BRMS1L: variants seen among roughly 807,000 people sequenced by gnomAD.
The protein encoded by BRMS1L is breast cancer metastasis-suppressor 1-like protein.
BRMS1L carries 23 observed loss-of-function variants against 50.3 expected under a neutral mutation model. The ratio of observed to expected loss-of-function variants is 0.46; its 90% CI spans 0.33 to 0.65. The LOEUF (loss-of-function observed/expected upper bound fraction) is 0.65, where lower values mean the gene tolerates loss of function less well. Among genes scored for constraint, BRMS1L ranks in the 30% least tolerant of loss-of-function variants. The pLI, the probability that BRMS1L is intolerant of heterozygous loss-of-function variation, is 0.02. For missense variants in BRMS1L, 286 were observed against 386.1 expected (o/e 0.74, Z 2.17); for synonymous variants, 114 against 126.9 (o/e 0.90, Z 0.69).
chr14:35,832,174 C>T (rs956668524), intron 2 of BRMS1L, among the ~76,000 whole-genome samples: 5 of 151,902 alleles, frequency 3.3e-5, no homozygotes, highest in African/African-American at 1.2e-4. Flanking sequence ...TTGGTTTTAC[C>T]TTCATTAGTC....
chr14:35,826,693 C>T (rs1272094415), intron 1 of BRMS1L, 35 bp downstream of exon 1: 2 of 1,602,056 alleles, frequency 1.2e-6, no homozygotes, highest in Admixed American at 1.7e-5. Flanking sequence ...TGAGTCCCCG[C>T]GCCCAGCGCG....
At chr14:35,850,680 T>G (rs1361761107) in intron 4 of BRMS1L, among the ~76,000 whole-genome samples, 1 of 152,236 alleles carries the variant, frequency 6.6e-6, no homozygotes, top group African/African-American at 2.4e-5. Context: ...CTTTACAGTT[T>G]CAGTTTTATG....
Position 35,863,957 on chromosome 14 carries a change from T to A in BRMS1L, c.622+4T>A, listed in dbSNP as rs750189880. On this transcript the variant is annotated splice_donor_region_variant and intron_variant, in intron 6 of 9. Coordinates refer to ENST00000216807, the MANE Select transcript of BRMS1L (RefSeq NM_032352.4). ...AAGAAGCCAGTTGTTGTTTCAGATA[T>A]CCTTTTCCAAATTTTCTGTTTTTTT... 2 of 1,612,092 alleles carry A rather than the reference T, an allele frequency of 1.2e-6. No individual in the cohort carries two copies. The highest frequency in any genetic ancestry group is 1.7e-6 in the Non-Finnish European group (2 of 1,179,250).
At chr14:35,868,444 G>GAAAT (rs1326315967) in intron 9 of BRMS1L, among the ~76,000 whole-genome samples, 1 of 152,090 alleles carries the variant, frequency 6.6e-6, no homozygotes, top group Non-Finnish European at 1.5e-5. Flanking sequence ...ATTAGAGTAG[G>GAAAT]AAATAAATGG....
At chr14:35,841,230 G>A (rs1353719109) in intron 4 of BRMS1L, among the ~76,000 whole-genome samples, 1 of 151,862 alleles carries the variant, frequency 6.6e-6, no homozygotes, top group East Asian at 1.9e-4. Context: ...TATGATTTCT[G>A]TTTGGCATTT....
In BRMS1L at chr14:35,865,830, G is replaced by C. The variant is rs199922866; in HGVS notation, c.727+69G>C. The C allele has an allele frequency of 6.5e-5, 87 of 1,334,136 alleles. 1 individual carries two copies. In the South Asian group the frequency reaches 8.8e-4, roughly 14 times the overall value. 82.6% of individuals were successfully genotyped at this position (1,334,136 alleles called of 1,614,324 possible). ...TTGTTGAATCAGGGTTGTTATCTAC[G>C]TACTAAAGAACTCTTGAATCAGTGG... is the stretch of plus-strand genomic sequence containing the variant. On this transcript the variant is annotated intron_variant, in intron 8 of 9. Transcript: ENST00000216807.
intron 3 of BRMS1L, among the ~76,000 whole-genome samples, chr14:35,834,415 T>TA (rs926988712): frequency 2.0e-5 from 3 of 151,206 alleles, no homozygotes; most frequent in Admixed American, 6.6e-5. Flanking sequence ...AAATGATAGT[T>TA]AAAAAAAAAG....
chr14:35,835,078 T>C (rs983211683), intron 4 of BRMS1L, among the ~76,000 whole-genome samples, 155 bp downstream of exon 4: 12 of 151,544 alleles, frequency 7.9e-5, no homozygotes, highest in Non-Finnish European at 1.2e-4. Flanking sequence ...TAGAGTTGCA[T>C]TGGAAGCTGT....
intron 4 of BRMS1L, among the ~76,000 whole-genome samples, chr14:35,839,154 C>A (rs1242340401): frequency 2.0e-5 from 3 of 152,124 alleles, no homozygotes; most frequent in Non-Finnish European, 4.4e-5. Context: ...TTGTTTTTGT[C>A]AGGTTTGTCG....
At chr14:35,858,108 T>G (rs1013212110) in intron 4 of BRMS1L, among the ~76,000 whole-genome samples, 1 of 152,202 alleles carries the variant, frequency 6.6e-6, no homozygotes, top group African/African-American at 2.4e-5. Context: ...GCTTCTCGTT[T>G]TAAAGTTAGG....
chr14:35,859,499 A>G (rs1466917437), intron 4 of BRMS1L, among the ~76,000 whole-genome samples: 1 of 152,156 alleles, frequency 6.6e-6, no homozygotes, highest in African/African-American at 2.4e-5. Context: ...TCCTTTGTAC[A>G]TGACCTGTTT....
At chr14:35,865,676 T>G in intron 7 of BRMS1L, 46 bp from the exon 8 acceptor site, 1 of 1,442,078 alleles carries the variant, frequency 6.9e-7, no homozygotes, top group Non-Finnish European at 9.4e-7. Flanking sequence ...ATTTTCAGTC[T>G]GAACTCAGAC....
At chr14:35,827,993 G>A (rs2077866500) in intron 1 of BRMS1L, among the ~76,000 whole-genome samples, 1 of 152,130 alleles carries the variant, frequency 6.6e-6, no homozygotes, top group Admixed American at 6.5e-5. Flanking sequence ...GAACAGGAAA[G>A]TATAGATGTG....
intron 4 of BRMS1L, among the ~76,000 whole-genome samples, chr14:35,845,813 C>T (rs2078126247): frequency 6.6e-6 from 1 of 152,090 alleles, no homozygotes; most frequent in African/African-American, 2.4e-5. Context: ...GGCTGTTCAC[C>T]AGCGTGATCA....
At chr14:35,870,152 TAAGAA>T (rs1268148038) in intron 9 of BRMS1L, among the ~76,000 whole-genome samples, 2 of 152,074 alleles carry the variant, frequency 1.3e-5, no homozygotes, top group Non-Finnish European at 1.5e-5. Context: ...CGAACTCTAT[TAAGAA>T]AAGAAGGATG....
At chr14:35,833,132 A>G (rs1005701793) in intron 3 of BRMS1L, 27 bp downstream of exon 3, 1 of 1,595,146 alleles carries the variant, frequency 6.3e-7, no homozygotes, top group Admixed American at 1.7e-5. Flanking sequence ...TCTTTTCCAT[A>G]TATAGAATGT....
chr14:35,863,804 T>TA, intron 5 of BRMS1L, 66 bp from the exon 6 acceptor site: 1 of 1,417,748 alleles, frequency 7.1e-7, no homozygotes, highest in South Asian at 1.2e-5. Context: ...ACCATAAAAT[T>TA]AGAGTCTTTT....
rs950511118 is a variant in BRMS1L at position 35,864,082 on chromosome 14, A to G, written c.622+129A>G. 6 of 748,972 alleles carry G rather than the reference A, an allele frequency of 8.0e-6. 1 individual carries two copies. Among genetic ancestry groups the G allele is most frequent in the Admixed American group, 7.9e-5 (3 of 38,012 alleles). The allele number at this position is 748,972 out of a possible 1,614,324, so 46.4% of individuals were successfully genotyped here. ...TCCTGTAATAAGCAAAAGATGATTT[A>G]TTTATAAAACCGATTGAAGACAGAG... On this transcript the variant is annotated intron_variant, in intron 6 of 9. Transcript: ENST00000216807.
At chr14:35,830,813 T>C (rs1345382316) in intron 1 of BRMS1L, among the ~76,000 whole-genome samples, 1 of 152,236 alleles carries the variant, frequency 6.6e-6, no homozygotes, top group African/African-American at 2.4e-5. Flanking sequence ...AAATGTGGGC[T>C]AATTACTTTA....
Sources: gnomAD v4.1 joint callset for allele counts (sites outside exome capture counted in the v4.1 genomes callset) on GRCh38, gnomAD v4.1.1 for gene constraint, MANE v1.5 for transcripts, NCBI Gene and HGNC (gene_info 2026-07-23, HGNC 2026-07-21) for gene names.